SMARCA4: variants seen among roughly 807,000 people sequenced by gnomAD.
SMARCA4 encodes SWI/SNF-related matrix-associated actin-dependent regulator of chromatin subfamily A member 4.
SMARCA4 carries 31 observed loss-of-function variants against 193.9 expected under a neutral mutation model. The observed-to-expected ratio is 0.16, with a 90% CI of 0.12 to 0.22. SMARCA4 has a LOEUF of 0.22. SMARCA4 is among the 10% of genes least tolerant of loss of function. The pLI is 1.00. For missense variants in SMARCA4, 1,148 were observed against 2,296.0 expected (o/e 0.50, Z 10.22); for synonymous variants, 942 against 933.1 (o/e 1.01, Z -0.17).
intron 30 of SMARCA4, among the ~76,000 whole-genome samples, chr19:11,044,627 A>G (rs1253630564): frequency 6.6e-6 from 1 of 152,234 alleles, no homozygotes; most frequent in Non-Finnish European, 1.5e-5. Flanking sequence ...CCGAATGCCC[A>G]TCAGTGCTGG....
Position 10,969,017 on chromosome 19 carries a change from A to G in SMARCA4, c.-32+7843A>G, listed in dbSNP as rs1273583315. Reference sequence around the variant, plus strand: ...CCTCGACCTTCAAGGTTCTCATCCTATTCCTTTTGATCCTCGGCCTGAATC... The same window carrying G: ...CCTCGACCTTCAAGGTTCTCATCCTGTTCCTTTTGATCCTCGGCCTGAATC... On this transcript the variant is annotated intron_variant, in intron 1 of 34. Coordinates refer to ENST00000344626, the MANE Select transcript of SMARCA4 (RefSeq NM_003072.5). 2.6e-5 allele frequency among the ~76,000 whole-genome samples: 4 copies of G among 152,168 alleles called. 1 individual carries two copies. Among genetic ancestry groups the G allele is most frequent in the Admixed American group, 2.0e-4 (3 of 15,278 alleles).
intron 8 of SMARCA4, among the ~76,000 whole-genome samples, chr19:10,994,325 T>G (rs971207314): frequency 4.2e-5 from 6 of 144,076 alleles, no homozygotes; most frequent in African/African-American, 1.6e-4. Context: ...TAGGTTTTTT[T>G]TTTTTTTTTT....
chr19:11,030,415 G>A lies in SMARCA4; in HGVS notation c.3383-315G>A, dbSNP rs1278745415. Among the ~76,000 whole-genome samples the A allele has an allele frequency of 1.3e-5, 2 of 152,228 alleles. No individual in the cohort carries two copies. The highest frequency in any genetic ancestry group is 2.9e-5 in the Non-Finnish European group (2 of 68,050). ...ATCCAGGGCTGTGGTGGTGGTGGCT[G>A]TGCTGACGCTGGACGCTGTGGCCTA... On this transcript the variant is annotated intron_variant, in intron 24 of 34. Transcript: ENST00000344626. The surrounding 1 kb of genome is among the most constrained non-coding windows in gnomAD (Gnocchi z 5.5).
At chr19:10,978,757 C>G (rs1230268512) in intron 1 of SMARCA4, among the ~76,000 whole-genome samples, 1 of 151,240 alleles carries the variant, frequency 6.6e-6, no homozygotes, top group Non-Finnish European at 1.5e-5. Flanking sequence ...TGGCGAAACC[C>G]CGTCTCTACT....
At chr19:11,004,078 G>A (rs578005825) in intron 13 of SMARCA4, among the ~76,000 whole-genome samples, 2 of 151,408 alleles carry the variant, frequency 1.3e-5, no homozygotes, top group South Asian at 2.1e-4. Context: ...GTGCAGTGGC[G>A]CGATGTTGGC....
intron 11 of SMARCA4, among the ~76,000 whole-genome samples, chr19:11,001,779 A>T (rs1420876695): frequency 6.6e-6 from 1 of 152,242 alleles, no homozygotes; most frequent in Non-Finnish European, 1.5e-5. Context: ...TTCCTGGAAG[A>T]TGAAAACCAA....
At chr19:11,028,641 C>T (rs554374102) in intron 24 of SMARCA4, among the ~76,000 whole-genome samples, 8 of 152,358 alleles carry the variant, frequency 5.3e-5, no homozygotes, top group South Asian at 2.1e-4. Flanking sequence ...CCCTGCCCTG[C>T]GGTCCCTGAT....
At chr19:11,001,848 A>G (rs1051183633) in intron 11 of SMARCA4, among the ~76,000 whole-genome samples, 2 of 152,214 alleles carry the variant, frequency 1.3e-5, no homozygotes, top group Admixed American at 1.3e-4. Context: ...ATATACAAGA[A>G]TTGATGAGGG....
intron 8 of SMARCA4, among the ~76,000 whole-genome samples, chr19:10,991,524 A>G (rs1377623156): frequency 2.0e-5 from 3 of 152,246 alleles, no homozygotes; most frequent in African/African-American, 7.2e-5. Flanking sequence ...GATGAAATCC[A>G]CGCGTAGCAC....
intron 1 of SMARCA4, among the ~76,000 whole-genome samples, chr19:10,965,893 G>T (rs1156607291): frequency 6.8e-6 from 1 of 146,464 alleles, no homozygotes; most frequent in Non-Finnish European, 1.5e-5. Context: ...TGACCAAAAT[G>T]TTATGTGGTG....
Position 11,061,188 on chromosome 19 carries a change from T to TAAAAAAAAA in SMARCA4, c.4912-587_4912-579dup, listed in dbSNP as rs140377414. Among the ~76,000 whole-genome samples, 27 of 68,826 alleles carry TAAAAAAAAA rather than the reference T, an allele frequency of 3.9e-4. 2 individuals are homozygous for TAAAAAAAAA. The highest frequency in any genetic ancestry group is 1.6e-3 in the African/African-American group (19 of 12,042). 45.2% of individuals were successfully genotyped at this position (68,826 alleles called of 152,430 possible). ...GGGCAACAGAGCAAGACCCTGTCTTTAAAAAAAAAAAAAAAAATATATATA... is the reference window on the plus strand; with the variant it reads ...GGGCAACAGAGCAAGACCCTGTCTTTAAAAAAAAAAAAAAAAAAAAAAAAAATATATATA... On this transcript the variant is annotated intron_variant, in intron 34 of 34. Coordinates refer to ENST00000344626, the MANE Select transcript of SMARCA4 (RefSeq NM_003072.5).
chr19:11,050,556 G>A (rs1272748356), intron 30 of SMARCA4, among the ~76,000 whole-genome samples: 1 of 152,236 alleles, frequency 6.6e-6, no homozygotes, highest in African/African-American at 2.4e-5. Flanking sequence ...GACAGCTTTG[G>A]CCTGGGTCTG....
rs372153971 is a variant in SMARCA4 at position 11,036,782 on chromosome 19, T to C, written c.4170+1650T>C. Among the ~76,000 whole-genome samples, 10 of 152,176 alleles carry C rather than the reference T, an allele frequency of 6.6e-5. 1 individual carries two copies. In the East Asian group the frequency reaches 1.3e-3, roughly 20 times the overall value. On this transcript the variant is annotated intron_variant, in intron 29 of 34. Coordinates refer to ENST00000344626, the MANE Select transcript of SMARCA4 (RefSeq NM_003072.5). ...CCCCCAAAAGAAGCCCTGCCCCGAT[T>C]TGCCATTCCTGGTAATTCATGGATT... is the stretch of plus-strand genomic sequence containing the variant.
At position 11,059,737 on chromosome 19, in the gene SMARCA4, T is replaced by G; in HGVS notation, c.4636-16T>G. The G allele has an allele frequency of 6.4e-7, 1 of 1,556,856 alleles. No homozygotes were observed. Among genetic ancestry groups the G allele is most frequent in the Non-Finnish European group, 8.7e-7 (1 of 1,150,190 alleles). On this transcript the variant is annotated splice_polypyrimidine_tract_variant and intron_variant, in intron 32 of 34. Transcript: ENST00000344626. Reference sequence around the variant, plus strand: ...AGTCGGGCCCATCCACTCAAGCCCCTGGTGTCTCTGCCCAGATCTATGAAG... The same window carrying G: ...AGTCGGGCCCATCCACTCAAGCCCCGGGTGTCTCTGCCCAGATCTATGAAG...
intron 1 of SMARCA4, among the ~76,000 whole-genome samples, chr19:10,966,570 A>G (rs1424689694): frequency 1.3e-5 from 2 of 151,874 alleles, no homozygotes; most frequent in East Asian, 1.9e-4. Context: ...CCTGGGTGAC[A>G]CAACAAGACC....
At chr19:10,990,592 T>C (rs540814206) in intron 7 of SMARCA4, among the ~76,000 whole-genome samples, 2 of 152,304 alleles carry the variant, frequency 1.3e-5, no homozygotes, top group South Asian at 4.1e-4. Flanking sequence ...TTTGTATTTT[T>C]AATAGACACA....
rs776956288 is a variant in SMARCA4 at position 11,033,376 on chromosome 19, G to A, written c.3633G>A (p.Glu1211=). ...VLRLCTVNSV[E]EKILAAAKYK... Reference sequence around the variant, plus strand: ...GCCTCTGCACCGTCAACAGCGTGGAGGAGAAGATCCTAGCTGCAGCCAAGT... The same window carrying A: ...GCCTCTGCACCGTCAACAGCGTGGAAGAGAAGATCCTAGCTGCAGCCAAGT... The change falls in exon 26 of 35, where the codon GAG becomes GAA. Residue 1211 remains glutamate (E), a synonymous_variant. Coordinates refer to ENST00000344626, the MANE Select transcript of SMARCA4 (RefSeq NM_003072.5). This position sits in a 1 kb window ranked among gnomAD's most constrained non-coding sequence, Gnocchi z 9.8. 2.5e-6 allele frequency: 4 copies of A among 1,613,352 alleles called. No homozygotes were observed. Among genetic ancestry groups the A allele is most frequent in the African/African-American group, 2.7e-5 (2 of 74,944 alleles).
At chr19:11,017,673 G>A (rs751155386) in intron 16 of SMARCA4, among the ~76,000 whole-genome samples, 4 of 152,190 alleles carry the variant, frequency 2.6e-5, no homozygotes, top group Non-Finnish European at 4.4e-5. Flanking sequence ...GCACACCTCC[G>A]GCTTCTCCCT....
rs1369824207 is a variant in SMARCA4, at chr19:10,985,715, C to G, written c.355+310C>G. Among the ~76,000 whole-genome samples, 2 of 152,172 alleles carry G rather than the reference C, an allele frequency of 1.3e-5. No individual in the cohort carries two copies. The highest frequency in any genetic ancestry group is 2.9e-5 in the Non-Finnish European group (2 of 68,020). The stretch of plus-strand genomic sequence containing the variant: ...CAGGAACTTACTGGAAATACAGATT[C>G]CTGGGGCCTGGGACTCTGCTTTAAT... On this transcript the variant is annotated intron_variant, in intron 3 of 34. Transcript: ENST00000344626. The surrounding 1 kb of genome is among the most constrained non-coding windows in gnomAD (Gnocchi z 4.5).
Sources: allele counts gnomAD v4.1 joint callset (sites outside exome capture counted in the v4.1 genomes callset), GRCh38; gene constraint gnomAD v4.1.1; non-coding constraint Gnocchi (gnomAD v3.1); transcripts MANE v1.5; gene names NCBI Gene and HGNC (gene_info 2026-07-23, HGNC 2026-07-21).